The following RFX3 variants were observed in gnomAD, a reference collection of about 807,000 sequenced individuals.
RFX3 encodes transcription factor RFX3.
Under a neutral mutation model 98.6 loss-of-function variants are expected in RFX3, and 14 were observed. The ratio of observed to expected loss-of-function variants is 0.14; its 90% CI spans 0.09 to 0.22. The LOEUF (loss-of-function observed/expected upper bound fraction) is 0.22. Among genes scored for constraint, RFX3 ranks in the 10% least tolerant of loss-of-function variants. The pLI is 1.00. For synonymous variants in RFX3, 383 were observed against 328.4 expected (o/e 1.17, Z -1.80); for missense variants, 639 against 926.9 (o/e 0.69, Z 4.03).
At chr9:3,453,349 T>C (rs1846844146) in intron 1 of RFX3, among the ~76,000 whole-genome samples, 1 of 151,962 alleles carries the variant, frequency 6.6e-6, no homozygotes, top group Non-Finnish European at 1.5e-5. Flanking sequence ...ACAGTATTTC[T>C]TCTGCATAGA....
intron 1 of RFX3, among the ~76,000 whole-genome samples, chr9:3,498,823 T>C (rs1281424656): frequency 6.6e-6 from 1 of 152,076 alleles, no homozygotes; most frequent in Non-Finnish European, 1.5e-5. Flanking sequence ...TGGTCACTCT[T>C]AGAAATTCAA....
At chr9:3,438,182 G>A (rs1283654386) in intron 1 of RFX3, among the ~76,000 whole-genome samples, 1 of 151,942 alleles carries the variant, frequency 6.6e-6, no homozygotes, top group Non-Finnish European at 1.5e-5. Context: ...TCCTAAAAAA[G>A]GTCATTCAAA....
At chr9:3,522,996 T>G (rs1487184789) in intron 1 of RFX3, among the ~76,000 whole-genome samples, 2 of 152,142 alleles carry the variant, frequency 1.3e-5, no homozygotes, top group African/African-American at 4.8e-5. Flanking sequence ...CAAAAAAAAC[T>G]AACCATCACT....
At chr9:3,443,318 C>CA (rs1344674172) in intron 1 of RFX3, among the ~76,000 whole-genome samples, 1 of 152,146 alleles carries the variant, frequency 6.6e-6, no homozygotes, top group Admixed American at 6.6e-5. Flanking sequence ...TTAAGCCCAG[C>CA]ATCCATTAGC....
At chr9:3,324,745 C>G (rs1275113610) in intron 4 of RFX3, among the ~76,000 whole-genome samples, 1 of 151,908 alleles carries the variant, frequency 6.6e-6, no homozygotes, top group East Asian at 1.9e-4. Flanking sequence ...GGCAGATCAC[C>G]TGAGGTCAGG....
chr9:3,319,211 C>T (rs1482785181), intron 4 of RFX3, among the ~76,000 whole-genome samples: 1 of 152,156 alleles, frequency 6.6e-6, no homozygotes, highest in East Asian at 1.9e-4. Flanking sequence ...TTCAGTATCC[C>T]CTGGGCACTT....
At chr9:3,449,184 C>G (rs1030975526) in intron 1 of RFX3, among the ~76,000 whole-genome samples, 2 of 152,112 alleles carry the variant, frequency 1.3e-5, no homozygotes, top group African/African-American at 4.8e-5. Flanking sequence ...CATAGGAGAG[C>G]AACACCTAGC....
At chr9:3,373,508 G>A (rs972960817) in intron 2 of RFX3, among the ~76,000 whole-genome samples, 1 of 152,156 alleles carries the variant, frequency 6.6e-6, no homozygotes, top group South Asian at 2.1e-4. Context: ...AATTGCCTGT[G>A]TGGCTGCACT....
intron 1 of RFX3, among the ~76,000 whole-genome samples, chr9:3,402,499 T>A (rs1436883343): frequency 6.6e-6 from 1 of 152,088 alleles, no homozygotes; most frequent in Non-Finnish European, 1.5e-5. Context: ...TGTGACCATA[T>A]TCAAGAATAA....
At chr9:3,513,393 C>CA (rs1817832368) in intron 1 of RFX3, among the ~76,000 whole-genome samples, 1 of 152,040 alleles carries the variant, frequency 6.6e-6, no homozygotes, top group African/African-American at 2.4e-5. Flanking sequence ...TCTAGTTTTT[C>CA]AAATTATATG....
chr9:3,375,162 T>C (rs574540774), intron 2 of RFX3, among the ~76,000 whole-genome samples: 29 of 152,336 alleles, frequency 1.9e-4, no homozygotes, highest in Admixed American at 7.8e-4. Flanking sequence ...TATGGTCAAA[T>C]ACAAAATTCT....
rs1030131435 is a variant in RFX3 at position 3,500,642 on chromosome 9, C to G, written c.-9+25105G>C. On this transcript the variant is annotated intron_variant, in intron 1 of 16. Coordinates refer to ENST00000617270, the MANE Select transcript of RFX3 (RefSeq NM_001282116.2). Reference sequence around the variant, plus strand: ...AAAATTTAACTTGATTCCATAGGGCCTAATGTATGAAAACCTTTTAAAAGT... The same window carrying G: ...AAAATTTAACTTGATTCCATAGGGCGTAATGTATGAAAACCTTTTAAAAGT... Among the ~76,000 whole-genome samples, 5 of 152,038 alleles carry G rather than the reference C, an allele frequency of 3.3e-5. No homozygotes were observed. The East Asian group carries it at 7.7e-4, about 23-fold the overall frequency.
At chr9:3,376,820 G>T (rs1296456187) in intron 2 of RFX3, among the ~76,000 whole-genome samples, 3 of 152,196 alleles carry the variant, frequency 2.0e-5, no homozygotes, top group Non-Finnish European at 2.9e-5. Context: ...AGACATTTAT[G>T]CAGCCAACAG....
chr9:3,470,530 T>C (rs1848687651), intron 1 of RFX3, among the ~76,000 whole-genome samples: 1 of 151,572 alleles, frequency 6.6e-6, no homozygotes, highest in African/African-American at 2.4e-5. Flanking sequence ...GGTTTCACCA[T>C]GTTAGCAAGG....
intron 1 of RFX3, among the ~76,000 whole-genome samples, chr9:3,428,237 G>A (rs967517538): frequency 6.6e-6 from 1 of 152,072 alleles, no homozygotes; most frequent in African/African-American, 2.4e-5. Context: ...ACTTTAAACT[G>A]TTCTTATTCT....
intron 2 of RFX3, among the ~76,000 whole-genome samples, chr9:3,372,941 G>GA (rs1239202035): frequency 1.3e-5 from 2 of 151,744 alleles, no homozygotes; most frequent in South Asian, 2.1e-4. Context: ...AAATCTCTTG[G>GA]AAAAAAGGTT....
At chr9:3,449,696 G>C (rs1846392777) in intron 1 of RFX3, among the ~76,000 whole-genome samples, 1 of 151,556 alleles carries the variant, frequency 6.6e-6, no homozygotes, top group African/African-American at 2.4e-5. Flanking sequence ...TACTAAAAAG[G>C]AAAAAAATTA....
chr9:3,369,184 C>G (rs2131526160), intron 2 of RFX3, among the ~76,000 whole-genome samples: 1 of 152,354 alleles, frequency 6.6e-6, no homozygotes, highest in East Asian at 1.9e-4. Context: ...AACTGGGTAA[C>G]TTACGAACAA....
In RFX3 at chr9:3,224,827, G is replaced by T; in HGVS notation, c.*215C>A. The stretch of plus-strand genomic sequence containing the variant: ...TCCTTCTTGACACCTGAAACTAAGG[G>T]AAAAAATTCATTATTAAGAAGCAAA... On this transcript the variant is annotated 3_prime_UTR_variant, in exon 17 of 17. Transcript: ENST00000617270. The T allele has an allele frequency of 2.2e-6, 1 of 445,266 alleles. No individual in the cohort carries two copies. Among genetic ancestry groups the T allele is most frequent in the Non-Finnish European group, 3.9e-6 (1 of 254,510 alleles). The allele number at this position is 445,266 out of a possible 1,614,324, so 27.6% of individuals were successfully genotyped here.
Sources: gnomAD v4.1 joint callset for allele counts (sites outside exome capture counted in the v4.1 genomes callset) on GRCh38, gnomAD v4.1.1 for gene constraint, MANE v1.5 for transcripts, NCBI Gene and HGNC (gene_info 2026-07-23, HGNC 2026-07-21) for gene names.